Variants in SPAG16 observed in about 807,000 individuals in gnomAD.
The protein encoded by SPAG16 is sperm-associated antigen 16 protein.
SPAG16 carries 86 observed loss-of-function variants against 80.4 expected under a neutral mutation model. The observed-to-expected ratio is 1.07, with a 90% confidence interval of 0.90 to 1.28. The LOEUF is 1.28. Among genes scored for constraint, SPAG16 ranks in the 50% most tolerant of loss-of-function variants. The pLI is 0.00. For synonymous variants in SPAG16, 294 were observed against 265.9 expected, an observed-to-expected ratio of 1.11 and a Z score of -1.03; for missense variants, 870 against 765.3, an observed-to-expected ratio of 1.14 and a Z score of -1.61.
At chr2:213,982,408 G>T (rs1387968513) in intron 12 of SPAG16, among the ~76,000 whole-genome samples, 2 of 151,844 alleles carry the variant, frequency 1.3e-5, no homozygotes, top group East Asian at 3.9e-4. Context: ...TCTTACTAAT[G>T]AATTATGTTA....
At chr2:213,608,962 C>T (rs969147366) in intron 10 of SPAG16, among the ~76,000 whole-genome samples, 3 of 152,100 alleles carry the variant, frequency 2.0e-5, no homozygotes, top group South Asian at 2.1e-4. Flanking sequence ...GGATTACAGG[C>T]GTGAGCCATC....
intron 5 of SPAG16, among the ~76,000 whole-genome samples, chr2:213,325,638 G>A (rs974338259): frequency 1.3e-5 from 2 of 151,854 alleles, no homozygotes; most frequent in African/African-American, 2.4e-5. Context: ...GTGTGTGTGT[G>A]TGTGTGCATA....
chr2:213,420,790 A>T (rs1035496281), intron 9 of SPAG16, among the ~76,000 whole-genome samples: 2 of 152,222 alleles, frequency 1.3e-5, no homozygotes, highest in Admixed American at 6.5e-5. Context: ...AATTCTTTTT[A>T]AAAAATTAAT....
intron 15 of SPAG16, among the ~76,000 whole-genome samples, chr2:214,156,223 C>T (rs1396308560): frequency 1.3e-5 from 2 of 152,134 alleles, no homozygotes; most frequent in Non-Finnish European, 2.9e-5. Context: ...GTCTTATGTG[C>T]AAGAGGCATT....
chr2:214,020,143 C>A (rs546516149), intron 13 of SPAG16, among the ~76,000 whole-genome samples: 1 of 152,032 alleles, frequency 6.6e-6, no homozygotes, highest in Non-Finnish European at 1.5e-5. Flanking sequence ...AAGTAAGTTG[C>A]GCAAGAACAG....
chr2:213,872,932 G>A (rs762561025), intron 11 of SPAG16, among the ~76,000 whole-genome samples: 1 of 151,802 alleles, frequency 6.6e-6, no homozygotes, highest in African/African-American at 2.4e-5. Flanking sequence ...ATAAATGCTA[G>A]TTGCTTATGA....
chr2:213,305,391 T>C (rs1238088457), intron 3 of SPAG16, among the ~76,000 whole-genome samples: 4 of 152,142 alleles, frequency 2.6e-5, no homozygotes, highest in Non-Finnish European at 2.9e-5. Context: ...TCCAGTACTA[T>C]GTTGAATAAT....
chr2:214,073,064 A>T (rs2125232067), intron 13 of SPAG16, among the ~76,000 whole-genome samples: 1 of 152,250 alleles, frequency 6.6e-6, no homozygotes, highest in Admixed American at 6.5e-5. Context: ...TCAACATGAA[A>T]AGATACCTTG....
chr2:213,873,404 T>A (rs1012581654), intron 11 of SPAG16, among the ~76,000 whole-genome samples: 25 of 151,984 alleles, frequency 1.6e-4, no homozygotes, highest in African/African-American at 6.0e-4. Flanking sequence ...TATTTTTTTG[T>A]TGCTCAGTAG....
intron 9 of SPAG16, among the ~76,000 whole-genome samples, chr2:213,446,747 C>T (rs2071344548): frequency 6.6e-6 from 1 of 152,156 alleles, no homozygotes; most frequent in African/African-American, 2.4e-5. Flanking sequence ...GTGTGGATGC[C>T]TGGAGCTACA....
At chr2:213,874,732 G>A (rs1246147972) in intron 11 of SPAG16, among the ~76,000 whole-genome samples, 2 of 152,102 alleles carry the variant, frequency 1.3e-5, no homozygotes, top group East Asian at 1.9e-4. Context: ...TGACTGCAAT[G>A]ACTTTATATG....
In SPAG16 at chr2:214,402,555, G is replaced by C. The variant is rs188533576; in HGVS notation, c.1721-7585G>C. 2.0e-5 allele frequency among the ~76,000 whole-genome samples: 3 copies of C among 151,814 alleles called. No individual in the cohort carries two copies. The East Asian group carries it at 5.8e-4, about 29-fold the overall frequency. ...GTATTCAAAAATATTATTTGGGTGAGGCTAAGGGGATGTTTGCCAACATAG... is the reference window on the plus strand; with the variant it reads ...GTATTCAAAAATATTATTTGGGTGACGCTAAGGGGATGTTTGCCAACATAG... On this transcript the variant is annotated intron_variant, in intron 15 of 15. Transcript: ENST00000331683.
intron 2 of SPAG16, 50 bp from the exon 3 acceptor site, chr2:213,297,212 T>G (rs769703248): frequency 2.0e-6 from 3 of 1,520,414 alleles, no homozygotes; most frequent in Non-Finnish European, 2.7e-6. Context: ...AAATAAAGTA[T>G]TTTATATTTC....
At chr2:213,800,072 A>T (rs1167806009) in intron 10 of SPAG16, among the ~76,000 whole-genome samples, 2 of 152,164 alleles carry the variant, frequency 1.3e-5, no homozygotes, top group African/African-American at 4.8e-5. Flanking sequence ...ATGTTGACAG[A>T]ATACTTTGAC....
chr2:213,824,429 A>G lies in SPAG16; in HGVS notation c.1071-38056A>G, dbSNP rs188592880. Among the ~76,000 whole-genome samples, 28 of 152,260 alleles carry G rather than the reference A, an allele frequency of 1.8e-4. No homozygotes were observed. In the East Asian group the frequency reaches 5.4e-3, roughly 29 times the overall value. ...TATTGATTTTTATTTATGGCAAGAGATAGTGGCCTAGTTTCATTGTTCTGC... is the reference window on the plus strand; with the variant it reads ...TATTGATTTTTATTTATGGCAAGAGGTAGTGGCCTAGTTTCATTGTTCTGC... On this transcript the variant is annotated intron_variant, in intron 10 of 15. Transcript: ENST00000331683.
intron 10 of SPAG16, among the ~76,000 whole-genome samples, chr2:213,624,742 G>A (rs1515913): frequency 0.43 from 66,121 of 152,024 alleles, 15,284 homozygotes; most frequent in African/African-American, 0.58. Flanking sequence ...CACTTCCTCT[G>A]TACTTGCTGA....
At position 213,371,390 on chromosome 2, in the gene SPAG16, G is replaced by C. The variant is rs183895563; in HGVS notation, c.833-3620G>C. 4.5e-4 allele frequency among the ~76,000 whole-genome samples: 40 copies of C among 88,414 alleles called. No individual in the cohort carries two copies. The Admixed American group carries it at 6.3e-3, about 14-fold the overall frequency. 58.0% of individuals were successfully genotyped at this position (88,414 alleles called of 152,430 possible). A position where few individuals can be genotyped will look rare whatever the true frequency, so the allele number is the denominator to read the frequency against. On this transcript the variant is annotated intron_variant, in intron 8 of 15. Coordinates refer to ENST00000331683, the MANE Select transcript of SPAG16 (RefSeq NM_024532.5). The stretch of plus-strand genomic sequence containing the variant: ...TCCAGCCTGGCAACACAGCAAGACC[G>C]TGTCTCAAAAAAAAAAAAAAAAAAA...
intron 15 of SPAG16, among the ~76,000 whole-genome samples, chr2:214,367,530 C>T (rs1377173159): frequency 4.6e-5 from 7 of 152,108 alleles, no homozygotes; most frequent in Non-Finnish European, 7.4e-5. Context: ...CACCTAAAAG[C>T]GGAAAAGGCT....
intron 15 of SPAG16, among the ~76,000 whole-genome samples, chr2:214,189,329 A>C (rs1203761574): frequency 6.6e-6 from 1 of 152,122 alleles, no homozygotes; most frequent in Admixed American, 6.6e-5. Flanking sequence ...CATGCAGTTC[A>C]CATTAAAAAA....
Sources: allele counts gnomAD v4.1 joint callset (sites outside exome capture counted in the v4.1 genomes callset), GRCh38; gene constraint gnomAD v4.1.1; transcripts MANE v1.5; gene names NCBI Gene and HGNC (gene_info 2026-07-23, HGNC 2026-07-21).